The following MTIF3 variants were observed in gnomAD, a reference collection of about 807,000 sequenced individuals.
MTIF3 encodes the protein mitochondrial translational initiation factor 3.
MTIF3 carries 13 observed loss-of-function variants against 20.7 expected under a neutral mutation model. The observed-to-expected ratio is 0.63, with a 90% CI of 0.41 to 1.00. MTIF3 has a LOEUF of 1.00. Among genes scored for constraint, MTIF3 ranks in the 50% least tolerant of loss-of-function variants. The pLI, the probability that MTIF3 is intolerant of heterozygous loss-of-function variation, is 0.00. For synonymous variants in MTIF3, 114 were observed against 112.5 expected (o/e 1.01, Z -0.08); for missense variants, 295 against 324.5 (o/e 0.91, Z 0.70).
intron 2 of MTIF3, among the ~76,000 whole-genome samples, chr13:27,443,588 G>C (rs1165672001): frequency 2.6e-5 from 4 of 152,068 alleles, no homozygotes; most frequent in Non-Finnish European, 5.9e-5. Context: ...TAATATTCTT[G>C]ATATATACAG....
At chr13:27,448,978 T>C (rs534689287) in intron 1 of MTIF3, among the ~76,000 whole-genome samples, 7 of 93,522 alleles carry the variant, frequency 7.5e-5, no homozygotes, top group East Asian at 3.2e-4. Flanking sequence ...GAAGCAGAGG[T>C]TGCAATGAGC....
chr13:27,449,440 G>C (rs145979339), intron 1 of MTIF3, among the ~76,000 whole-genome samples: 2 of 152,126 alleles, frequency 1.3e-5, no homozygotes, highest in Non-Finnish European at 2.9e-5. Context: ...AGGCCAAAAG[G>C]CCCTTCCCAC....
At chr13:27,447,630 T>A (rs1178060245) in intron 1 of MTIF3, among the ~76,000 whole-genome samples, 2 of 152,168 alleles carry the variant, frequency 1.3e-5, no homozygotes, top group Non-Finnish European at 2.9e-5. Context: ...TAACCAAAAC[T>A]CCTATCGACA....
At chr13:27,443,047 A>C (rs977526480) in intron 2 of MTIF3, among the ~76,000 whole-genome samples, 4 of 152,236 alleles carry the variant, frequency 2.6e-5, no homozygotes, top group African/African-American at 9.6e-5. Context: ...GGCTGCTGGC[A>C]TTTAACCTCT....
chr13:27,436,814 C>T (rs900125237), intron 4 of MTIF3, among the ~76,000 whole-genome samples: 4 of 131,752 alleles, frequency 3.0e-5, no homozygotes, highest in African/African-American at 1.1e-4. Flanking sequence ...TGCAGTGGCG[C>T]GATCTCGGCT....
intron 3 of MTIF3, among the ~76,000 whole-genome samples, chr13:27,438,798 CTTTTTT>C (rs367684607): frequency 3.4e-5 from 5 of 146,860 alleles, no homozygotes. Context: ...GCCCAGTGAC[CTTTTTT>C]TTTTTAAGTG....
intron 2 of MTIF3, among the ~76,000 whole-genome samples, chr13:27,444,038 T>C (rs546368375): frequency 2.0e-5 from 3 of 152,312 alleles, no homozygotes; most frequent in Non-Finnish European, 4.4e-5. Context: ...GTGCAGTGGC[T>C]CACGCCTGTA....
intron 1 of MTIF3, among the ~76,000 whole-genome samples, chr13:27,446,455 C>T (rs558325082): frequency 5.4e-4 from 82 of 152,296 alleles, no homozygotes; most frequent in African/African-American, 1.9e-3. Flanking sequence ...TGAAACCATA[C>T]AGCAGAAAAT....
At chr13:27,437,481 A>G (rs989084878) in intron 3 of MTIF3, among the ~76,000 whole-genome samples, 1 of 152,234 alleles carries the variant, frequency 6.6e-6, no homozygotes, top group Admixed American at 6.5e-5. Flanking sequence ...GGGTACTTAA[A>G]ATCTGAAATG....
At chr13:27,446,899 G>A (rs1290251462) in intron 1 of MTIF3, among the ~76,000 whole-genome samples, 5 of 152,060 alleles carry the variant, frequency 3.3e-5, no homozygotes, top group African/African-American at 9.7e-5. Flanking sequence ...TATACGATTC[G>A]GGTGATGGTG....
chr13:27,436,181 C>G (rs552171344), intron 4 of MTIF3, among the ~76,000 whole-genome samples: 2 of 152,296 alleles, frequency 1.3e-5, no homozygotes, highest in African/African-American at 4.8e-5. Flanking sequence ...ACAGAAAGCA[C>G]TGGGTTTGGG....
chr13:27,447,245 C>T (rs1161415501), intron 1 of MTIF3, among the ~76,000 whole-genome samples: 1 of 117,394 alleles, frequency 8.5e-6, no homozygotes, highest in Non-Finnish European at 1.8e-5. Context: ...AGTAAGAAAA[C>T]ACTATAAGTG....
At position 27,437,245 on chromosome 13, in the gene MTIF3, C is replaced by CA. The variant is rs1953812708; in HGVS notation, c.488dup (p.Leu163PhefsTer9). 1.2e-6 allele frequency: 2 copies of CA among 1,613,652 alleles called. No individual in the cohort carries two copies. The highest frequency in any genetic ancestry group is 1.3e-5 in the African/African-American group (1 of 74,910). On this transcript the variant is annotated frameshift_variant, in exon 4 of 5. Coordinates refer to ENST00000381120, the MANE Select transcript of MTIF3 (RefSeq NM_152912.5). LOFTEE classifies it high-confidence loss of function. ...AATCATGTTGTCCAATATTTGAAGA[C>CA]AAAATCAGTTCCTTTCTCAGGGTTG...
At chr13:27,436,324 G>A (rs1953743823) in intron 4 of MTIF3, among the ~76,000 whole-genome samples, 2 of 152,020 alleles carry the variant, frequency 1.3e-5, no homozygotes, top group Admixed American at 1.3e-4. Flanking sequence ...TGCATCAGCT[G>A]GGTTGCGACC....
At chr13:27,448,161 C>T (rs60787915) in intron 1 of MTIF3, among the ~76,000 whole-genome samples, 22,637 of 149,656 alleles carry the variant, frequency 0.15, 1,905 homozygotes, top group Non-Finnish European at 0.16. Flanking sequence ...TGGGCATTCT[C>T]GTCCTATAAA....
chr13:27,446,664 C>T (rs1954190311), intron 1 of MTIF3, among the ~76,000 whole-genome samples: 1 of 152,158 alleles, frequency 6.6e-6, no homozygotes, highest in Admixed American at 6.5e-5. Flanking sequence ...TGGCTTTGTA[C>T]ATAATTTTAA....
At chr13:27,437,011 A>G in intron 4 of MTIF3, 105 bp downstream of exon 4, 2 of 1,241,240 alleles carry the variant, frequency 1.6e-6, no homozygotes, top group Non-Finnish European at 2.2e-6. Context: ...TTGGCCTCCC[A>G]AAATGCTGGG....
In MTIF3 at chr13:27,440,020, C is replaced by T; in HGVS notation, c.429G>A (p.Leu143=). The part of the protein sequence containing the change: ...GLQILQERQR[L]REMEKANPKT... ...TGGGGTTCGCCTTCTCCATCTCCCT[C>T]AGCCTCTGCCGCTCCTGGAGGATCT... The change falls in exon 3 of 5, where the codon CTG becomes CTA. Residue 143 remains leucine (L), a synonymous_variant. Coordinates refer to ENST00000381120, the MANE Select transcript of MTIF3 (RefSeq NM_152912.5). The T allele has an allele frequency of 6.2e-7, 1 of 1,614,176 alleles. No homozygotes were observed. Among genetic ancestry groups the T allele is most frequent in the Non-Finnish European group, 8.5e-7 (1 of 1,180,002 alleles).
intron 4 of MTIF3, among the ~76,000 whole-genome samples, chr13:27,436,709 C>A (rs1417368024): frequency 6.6e-6 from 1 of 151,048 alleles, no homozygotes; most frequent in Non-Finnish European, 1.5e-5. Context: ...GGAAGAATTA[C>A]CAGTCACTTT....
Sources: gnomAD v4.1 joint callset for allele counts (sites outside exome capture counted in the v4.1 genomes callset) on GRCh38, gnomAD v4.1.1 for gene constraint, MANE v1.5 for transcripts, NCBI Gene and HGNC (gene_info 2026-07-23, HGNC 2026-07-21) for gene names.